GLRA3: variants seen among roughly 807,000 people sequenced by gnomAD.
GLRA3 encodes the protein glycine receptor subunit alpha-3.
Under a neutral mutation model 60.4 loss-of-function variants are expected in GLRA3, and 44 were observed. That is an observed-to-expected ratio of 0.73 (90% confidence interval 0.57 to 0.94). GLRA3 has a LOEUF of 0.94. Among genes scored for constraint, GLRA3 ranks in the 40% least tolerant of loss-of-function variants. The probability of loss-of-function intolerance (pLI) is 0.00; values close to 1 mark genes in which losing one functional copy is unlikely to be tolerated. For synonymous variants in GLRA3, 223 were observed against 192.9 expected, an observed-to-expected ratio of 1.16 and a Z score of -1.29; for missense variants, 508 against 564.6, an observed-to-expected ratio of 0.90 and a Z score of 1.02.
At position 174,669,025 on chromosome 4, in the gene GLRA3, T is replaced by G. The variant is rs141291858; in HGVS notation, c.927+8053A>C. On this transcript the variant is annotated intron_variant, in intron 7 of 9. Coordinates refer to ENST00000274093, the MANE Select transcript of GLRA3 (RefSeq NM_006529.4). ...GTGATTGAAGCCTACAGATAACTGC[T>G]TTTTCTCTGAGATATGCCGAAAATG... Among the ~76,000 whole-genome samples, 400 of 152,124 alleles carry G rather than the reference T, an allele frequency of 2.6e-3. 2 individuals are homozygous for G. Among genetic ancestry groups the G allele is most frequent in the African/African-American group, 9.4e-3 (392 of 41,546 alleles).
chr4:174,695,167 A>G (rs1735000476), intron 5 of GLRA3, among the ~76,000 whole-genome samples: 1 of 152,068 alleles, frequency 6.6e-6, no homozygotes, highest in Non-Finnish European at 1.5e-5. Context: ...TGTACAAAGA[A>G]GAGCTGGTAC....
At chr4:174,790,419 G>C (rs1739285831) in intron 1 of GLRA3, among the ~76,000 whole-genome samples, 1 of 151,842 alleles carries the variant, frequency 6.6e-6, no homozygotes. Context: ...AATGACTCTA[G>C]AGCTTTATTC....
chr4:174,810,678 G>T (rs1254923280), intron 1 of GLRA3, among the ~76,000 whole-genome samples: 2 of 151,934 alleles, frequency 1.3e-5, no homozygotes, highest in South Asian at 2.1e-4. Flanking sequence ...TCCACATAAA[G>T]ACTTTGAAAT....
At chr4:174,749,545 T>C (rs569779932) in intron 3 of GLRA3, among the ~76,000 whole-genome samples, 1 of 152,174 alleles carries the variant, frequency 6.6e-6, no homozygotes, top group African/African-American at 2.4e-5. Flanking sequence ...TTGAAGTACA[T>C]GATTTTGCAA....
At chr4:174,821,339 T>C (rs1179854448) in intron 1 of GLRA3, among the ~76,000 whole-genome samples, 1 of 152,170 alleles carries the variant, frequency 6.6e-6, no homozygotes, top group Non-Finnish European at 1.5e-5. Flanking sequence ...TGTAAAAAGC[T>C]GCAAAGCCCT....
At chr4:174,746,977 C>G (rs1421436939) in intron 3 of GLRA3, among the ~76,000 whole-genome samples, 1 of 152,164 alleles carries the variant, frequency 6.6e-6, no homozygotes, top group Non-Finnish European at 1.5e-5. Context: ...CATGTACTCA[C>G]AGGAAGAATG....
At chr4:174,777,766 A>G (rs1399391264) in intron 2 of GLRA3, among the ~76,000 whole-genome samples, 1 of 152,314 alleles carries the variant, frequency 6.6e-6, no homozygotes, top group Non-Finnish European at 1.5e-5. Flanking sequence ...CCACATGAAT[A>G]TGAAGATGCC....
At chr4:174,771,872 T>C (rs1185589561) in intron 2 of GLRA3, among the ~76,000 whole-genome samples, 1 of 152,154 alleles carries the variant, frequency 6.6e-6, no homozygotes, top group Non-Finnish European at 1.5e-5. Context: ...TTATGGACAA[T>C]TGTGGTGAAA....
chr4:174,828,543 A>T (rs551885383), intron 1 of GLRA3, among the ~76,000 whole-genome samples, 198 bp downstream of exon 1: 6 of 152,330 alleles, frequency 3.9e-5, no homozygotes, highest in African/African-American at 1.4e-4. Context: ...AAAATGCACT[A>T]ATCAATGAAA....
In GLRA3 at chr4:174,643,972, G is replaced by A. The variant is rs942274067; in HGVS notation, c.1209C>T (p.Pro403=). The stretch of plus-strand genomic sequence containing the variant: ...TTGGCATTACCTGGACAGGGTGGTT[G>A]GGGCCCTTTGGAGTCATGCCATCCT... ...QAKDGMTPKG[P]NHPVQVMPKS... is the part of the protein sequence containing the mutation. The change falls in exon 10 of 10, where the codon CCC becomes CCT. Residue 403 remains proline, a synonymous_variant. Coordinates refer to ENST00000274093, the MANE Select transcript of GLRA3 (RefSeq NM_006529.4). 7 of 1,613,730 alleles carry A rather than the reference G, an allele frequency of 4.3e-6. No homozygotes were observed. Among genetic ancestry groups the A allele is most frequent in the Non-Finnish European group, 5.9e-6 (7 of 1,179,732 alleles).
intron 9 of GLRA3, among the ~76,000 whole-genome samples, chr4:174,649,916 T>C (rs1046088112): frequency 6.6e-6 from 1 of 152,154 alleles, no homozygotes; most frequent in African/African-American, 2.4e-5. Flanking sequence ...TAAAGGAGCC[T>C]AAATTCTCCA....
intron 2 of GLRA3, among the ~76,000 whole-genome samples, chr4:174,782,681 A>G (rs1738933266): frequency 6.6e-6 from 1 of 152,224 alleles, no homozygotes; most frequent in Non-Finnish European, 1.5e-5. Context: ...ACAACAGACA[A>G]AAAGAGAGCC....
intron 9 of GLRA3, among the ~76,000 whole-genome samples, chr4:174,650,002 T>C (rs1465813900): frequency 1.3e-5 from 2 of 152,122 alleles, no homozygotes; most frequent in African/African-American, 4.8e-5. Context: ...TAAGTGATAC[T>C]TTCCCTGACC....
intron 7 of GLRA3, among the ~76,000 whole-genome samples, chr4:174,660,645 T>C (rs893729032): frequency 1.3e-5 from 2 of 152,260 alleles, no homozygotes; most frequent in Admixed American, 1.3e-4. Context: ...ACACTAGTTT[T>C]AACATTCGTT....
At chr4:174,748,147 G>T (rs1418379201) in intron 3 of GLRA3, among the ~76,000 whole-genome samples, 1 of 152,136 alleles carries the variant, frequency 6.6e-6, no homozygotes, top group Non-Finnish European at 1.5e-5. Flanking sequence ...GAAATAGAAA[G>T]AAGATAATAG....
chr4:174,792,512 G>A (rs141062768), intron 1 of GLRA3, among the ~76,000 whole-genome samples: 1 of 152,068 alleles, frequency 6.6e-6, no homozygotes, highest in Non-Finnish European at 1.5e-5. Context: ...CTTCAACATA[G>A]GAGTGTTGGG....
At chr4:174,777,815 T>C (rs368600422) in intron 2 of GLRA3, among the ~76,000 whole-genome samples, 9 of 152,312 alleles carry the variant, frequency 5.9e-5, no homozygotes, top group African/African-American at 1.9e-4. Flanking sequence ...AGGGCAGATA[T>C]GCACTTTCCA....
At chr4:174,779,932 G>A (rs1404679318) in intron 2 of GLRA3, among the ~76,000 whole-genome samples, 5 of 150,930 alleles carry the variant, frequency 3.3e-5, no homozygotes, top group Non-Finnish European at 1.5e-5. Context: ...AGCAAGGCAG[G>A]CCAACGTTCA....
intron 2 of GLRA3, among the ~76,000 whole-genome samples, chr4:174,788,348 G>A (rs1739198519): frequency 6.6e-6 from 1 of 151,882 alleles, no homozygotes; most frequent in Non-Finnish European, 1.5e-5. Context: ...ACATTTCAAA[G>A]GCTGTCAGTT....
Sources: gnomAD v4.1 joint callset for allele counts (sites outside exome capture counted in the v4.1 genomes callset) on GRCh38, gnomAD v4.1.1 for gene constraint, MANE v1.5 for transcripts, NCBI Gene and HGNC (gene_info 2026-07-23, HGNC 2026-07-21) for gene names.